PTPRN2: variants seen among roughly 807,000 people sequenced by gnomAD.
The protein encoded by PTPRN2 is receptor-type tyrosine-protein phosphatase N2.
Under a neutral mutation model 118.8 loss-of-function variants are expected in PTPRN2, and 74 were observed. The ratio of observed to expected loss-of-function variants is 0.62; its 90% confidence interval spans 0.52 to 0.76. The LOEUF is 0.76. Among genes scored for constraint, PTPRN2 ranks in the 30% least tolerant of loss-of-function variants. PTPRN2 has a pLI of 0.00. For missense variants in PTPRN2, 1,481 were observed against 1,394.4 expected (o/e 1.06, Z -0.99); for synonymous variants, 641 against 608.0 (o/e 1.05, Z -0.80).
rs146410094 is a variant in PTPRN2 at position 158,047,160 on chromosome 7, T to C, written c.1723+34138A>G. Among the ~76,000 whole-genome samples the C allele has an allele frequency of 5.5e-3, 836 of 152,322 alleles. 7 individuals are homozygous for C. Among genetic ancestry groups the C allele is most frequent in the African/African-American group, 0.019 (801 of 41,562 alleles). On this transcript the variant is annotated intron_variant, in intron 11 of 22. Coordinates refer to ENST00000389418, the MANE Select transcript of PTPRN2 (RefSeq NM_002847.5). ...AGTGCAGACTCTGTGTGACACACACTGCTACTTTCTGAGGAACACACAGAT... is the reference window on the plus strand; with the variant it reads ...AGTGCAGACTCTGTGTGACACACACCGCTACTTTCTGAGGAACACACAGAT...
chr7:158,203,325 C>G (rs1826812258), intron 4 of PTPRN2, among the ~76,000 whole-genome samples: 1 of 150,168 alleles, frequency 6.7e-6, no homozygotes, highest in Non-Finnish European at 1.5e-5. Flanking sequence ...AATCTCAAAG[C>G]ATATGTATTT....
rs1223343892 is a variant in PTPRN2 at position 157,977,822 on chromosome 7, G to A, written c.1724-79085C>T. 6.6e-6 allele frequency among the ~76,000 whole-genome samples: 1 copy of A among 151,792 alleles called. No individual in the cohort carries two copies. Among genetic ancestry groups the A allele is most frequent in the Non-Finnish European group, 1.5e-5 (1 of 67,904 alleles). On this transcript the variant is annotated intron_variant, in intron 11 of 22. Coordinates refer to ENST00000389418, the MANE Select transcript of PTPRN2 (RefSeq NM_002847.5). This position sits in a 1 kb window ranked among gnomAD's most constrained non-coding sequence, Gnocchi z 4.6. Reference sequence around the variant, plus strand: ...GAGCTCCCTGTTGCTGCTGCTGGGGGAGCAGGAAGGGGGATCACCCTGACA... The same window carrying A: ...GAGCTCCCTGTTGCTGCTGCTGGGGAAGCAGGAAGGGGGATCACCCTGACA...
chr7:157,948,784 C>T (rs1253501439), intron 11 of PTPRN2, among the ~76,000 whole-genome samples: 1 of 152,148 alleles, frequency 6.6e-6, no homozygotes, highest in Non-Finnish European at 1.5e-5. Flanking sequence ...AATAAATGCC[C>T]ATTGAAGTAT....
chr7:158,239,433 C>T (rs1585940453), intron 3 of PTPRN2, among the ~76,000 whole-genome samples: 1 of 152,194 alleles, frequency 6.6e-6, no homozygotes, highest in Admixed American at 6.5e-5. Flanking sequence ...CGCTCCGTAG[C>T]GCGGCCCCCA....
At chr7:158,498,040 G>A (rs938044824) in intron 1 of PTPRN2, among the ~76,000 whole-genome samples, 4 of 152,240 alleles carry the variant, frequency 2.6e-5, no homozygotes, top group East Asian at 1.9e-4. Context: ...TGGTCAGTCC[G>A]CTCCATCACA....
chr7:157,888,658 G>A (rs1329602174), intron 12 of PTPRN2, among the ~76,000 whole-genome samples: 2 of 151,090 alleles, frequency 1.3e-5, no homozygotes, highest in Non-Finnish European at 2.9e-5. Context: ...CCTACGCGCA[G>A]CACCATGCCA....
intron 11 of PTPRN2, chr7:158,028,430 A>G (rs1452359674): frequency 1.3e-5 from 2 of 152,350 alleles, no homozygotes; most frequent in Admixed American, 1.3e-4. Context: ...TCCCTCCTGA[A>G]TCTAGGACAG....
chr7:158,299,999 C>G (rs74500053), intron 3 of PTPRN2, among the ~76,000 whole-genome samples: 1 of 152,156 alleles, frequency 6.6e-6, no homozygotes, highest in African/African-American at 2.4e-5. Context: ...GCAGGCAAAA[C>G]GAGCACCATT....
chr7:158,164,768 C>T (rs574460206), intron 6 of PTPRN2, among the ~76,000 whole-genome samples: 1 of 152,194 alleles, frequency 6.6e-6, no homozygotes, highest in Admixed American at 6.5e-5. Flanking sequence ...GAGGACGACC[C>T]AAAGTGACCC....
Position 158,172,149 on chromosome 7 carries a change from C to G in PTPRN2, c.550-4858G>C, listed in dbSNP as rs572197748. Among the ~76,000 whole-genome samples, 8 of 152,290 alleles carry G rather than the reference C, an allele frequency of 5.3e-5. No homozygotes were observed. The South Asian group carries it at 1.7e-3, about 32-fold the overall frequency. On this transcript the variant is annotated intron_variant, in intron 5 of 22. Transcript: ENST00000389418. Reference sequence around the variant, plus strand: ...CTCGCCCACACACTGAAAAAGCCAGCAGGAAAGAAGGCTCACTGAAAGACT... The same window carrying G: ...CTCGCCCACACACTGAAAAAGCCAGGAGGAAAGAAGGCTCACTGAAAGACT...
At chr7:158,183,334 C>T (rs1420400862) in intron 5 of PTPRN2, among the ~76,000 whole-genome samples, 1 of 152,166 alleles carries the variant, frequency 6.6e-6, no homozygotes, top group Admixed American at 6.5e-5. Flanking sequence ...ATCATGGAGA[C>T]AGGAAGTGTG....
rs1273427540 is a variant in PTPRN2 at position 157,540,727 on chromosome 7, G to T, written c.3035C>A (p.Ala1012Asp). Reference protein sequence around the residue: ...VAEEVNAILKALPQ With the variant: ...VAEEVNAILKDLPQ ...TGAGGCTGCCGCTCACTGGGGAAGG[G>T]CCTTGAGGATGGCGTTCACCTCCTC... Residue 1012 changes from alanine (A) to aspartate (D), a missense_variant, in exon 23 of 23, where the codon GCC (alanine) becomes GAC (aspartate). Ala to Asp is a moderately radical substitution (Grantham distance 126, BLOSUM62 -2). This residue lies in a region of PTPRN2 where 362 missense variants were observed against 384.1 expected (regional missense o/e 0.94). Coordinates refer to ENST00000389418, the MANE Select transcript of PTPRN2 (RefSeq NM_002847.5). 9 of 1,565,478 alleles carry T rather than the reference G, an allele frequency of 5.7e-6. No homozygotes were observed. The highest frequency in any genetic ancestry group is 7.8e-6 in the Non-Finnish European group (9 of 1,154,576).
At chr7:157,943,209 C>T (rs1344508878) in intron 11 of PTPRN2, among the ~76,000 whole-genome samples, 2 of 152,222 alleles carry the variant, frequency 1.3e-5, no homozygotes, top group South Asian at 2.1e-4. Context: ...TCGCACATCT[C>T]ACAGCCTGGG....
intron 3 of PTPRN2, among the ~76,000 whole-genome samples, chr7:158,289,915 G>A (rs761362358): frequency 6.6e-6 from 1 of 152,184 alleles, no homozygotes; most frequent in Non-Finnish European, 1.5e-5. Context: ...CACGCAGGCT[G>A]GTCCAATGCC....
intron 21 of PTPRN2, among the ~76,000 whole-genome samples, chr7:157,553,644 C>T (rs1335186203): frequency 6.6e-6 from 1 of 152,212 alleles, no homozygotes; most frequent in Non-Finnish European, 1.5e-5. Flanking sequence ...TACAAAATGA[C>T]ACGGGAGCGT....
At chr7:157,840,182 CGT>C (rs1808283930) in intron 12 of PTPRN2, among the ~76,000 whole-genome samples, 1 of 113,370 alleles carries the variant, frequency 8.8e-6, no homozygotes, top group East Asian at 2.8e-4. Flanking sequence ...ACTGTGTGAC[CGT>C]GTGTGACTGT....
rs1828235452 is a variant in PTPRN2, at chr7:158,574,792, G to C, written c.112+12766C>G. Among the ~76,000 whole-genome samples the C allele has an allele frequency of 6.6e-6, 1 of 152,236 alleles. No homozygotes were observed. Among genetic ancestry groups the C allele is most frequent in the Admixed American group, 6.5e-5 (1 of 15,282 alleles). The stretch of plus-strand genomic sequence containing the variant: ...CTTCCTCCACATGCATCAGGCTGCT[G>C]GACAGGCCTTGCTGGCACACTGGGT... On this transcript the variant is annotated intron_variant, in intron 1 of 22. Transcript: ENST00000389418. The surrounding 1 kb of genome is among the most constrained non-coding windows in gnomAD (Gnocchi z 4.6).
At chr7:157,721,036 G>C (rs1451315518) in intron 12 of PTPRN2, among the ~76,000 whole-genome samples, 1 of 134,582 alleles carries the variant, frequency 7.4e-6, no homozygotes, top group African/African-American at 2.8e-5. Context: ...TGGGTCCACA[G>C]AGCTGACTAT....
intron 6 of PTPRN2, among the ~76,000 whole-genome samples, chr7:158,138,948 A>G (rs1819106088): frequency 7.4e-6 from 1 of 134,548 alleles, no homozygotes; most frequent in African/African-American, 3.9e-5. Context: ...CCTGCCCAGG[A>G]CACCCTGCCC....
Sources: allele counts gnomAD v4.1 joint callset (sites outside exome capture counted in the v4.1 genomes callset), GRCh38; gene constraint gnomAD v4.1.1; regional missense constraint gnomAD v4.1.1; non-coding constraint Gnocchi (gnomAD v3.1); transcripts MANE v1.5; gene names NCBI Gene and HGNC (gene_info 2026-07-23, HGNC 2026-07-21).